The following AFF3 variants were observed in gnomAD, a reference collection of about 807,000 sequenced individuals.
AFF3 encodes the protein AF4/FMR2 family member 3.
Under a neutral mutation model 129.7 loss-of-function variants are expected in AFF3, and 32 were observed. The observed-to-expected ratio is 0.25, with a 90% CI of 0.19 to 0.33. AFF3 has a LOEUF of 0.33. Among genes scored for constraint, AFF3 ranks in the 10% least tolerant of loss-of-function variants. AFF3 has a pLI of 1.00. For synonymous variants in AFF3, 644 were observed against 635.4 expected, an observed-to-expected ratio of 1.01 and a Z score of -0.20; for missense variants, 1,373 against 1,592.0, an observed-to-expected ratio of 0.86 and a Z score of 2.34.
intron 7 of AFF3, among the ~76,000 whole-genome samples, chr2:99,883,448 T>G (rs1692878939): frequency 6.6e-6 from 1 of 152,192 alleles, no homozygotes; most frequent in Admixed American, 6.5e-5. Flanking sequence ...AATACACGCT[T>G]CATTAGTCTC....
chr2:99,608,429 C>A (rs1229616044), intron 13 of AFF3, among the ~76,000 whole-genome samples: 1 of 152,176 alleles, frequency 6.6e-6, no homozygotes, highest in Non-Finnish European at 1.5e-5. Context: ...TTTATCCATG[C>A]AATGTATTTT....
intron 9 of AFF3, among the ~76,000 whole-genome samples, chr2:99,746,480 A>T (rs1317067680): frequency 6.6e-6 from 1 of 152,190 alleles, no homozygotes; most frequent in Non-Finnish European, 1.5e-5. Flanking sequence ...AGGGATTCCC[A>T]CTCTATTAAA....
At chr2:99,553,918 C>CAAAAAAAAAAAAAA (rs61326965) in intron 24 of AFF3, among the ~76,000 whole-genome samples, 5 of 56,960 alleles carry the variant, frequency 8.8e-5, no homozygotes, top group African/African-American at 3.4e-4. Flanking sequence ...TGTCTCAAAC[C>CAAAAAAAAAAAAAA]AAAAAAAAAA....
chr2:100,107,129 T>C (rs1691338184), intron 2 of AFF3: 7 of 985,342 alleles, frequency 7.1e-6, no homozygotes, highest in African/African-American at 3.5e-5. Flanking sequence ...TCCAGTGTTA[T>C]GTTTTCATGT....
chr2:99,659,935 T>A (rs1401502637), intron 12 of AFF3, among the ~76,000 whole-genome samples: 1 of 152,182 alleles, frequency 6.6e-6, no homozygotes, highest in Admixed American at 6.5e-5. Flanking sequence ...CCTGCTCATC[T>A]GGGCTTTGGT....
At chr2:100,092,126 TC>T (rs1403506975) in intron 4 of AFF3, among the ~76,000 whole-genome samples, 1 of 152,076 alleles carries the variant, frequency 6.6e-6, no homozygotes, top group East Asian at 1.9e-4. Flanking sequence ...TTAGTAAACT[TC>T]CTAGAGACAA....
At chr2:99,562,553 T>G (rs1369655876) in intron 20 of AFF3, among the ~76,000 whole-genome samples, 1 of 152,254 alleles carries the variant, frequency 6.6e-6, no homozygotes, top group Non-Finnish European at 1.5e-5. Context: ...GTTTGTTGAG[T>G]GATAACTGTG....
chr2:99,816,351 C>T (rs1390176857), intron 8 of AFF3, among the ~76,000 whole-genome samples: 1 of 152,216 alleles, frequency 6.6e-6, no homozygotes, highest in Non-Finnish European at 1.5e-5. Flanking sequence ...AATTCTACTT[C>T]TGATGACTGC....
intron 7 of AFF3, among the ~76,000 whole-genome samples, chr2:99,963,822 CAG>C (rs1677469038): frequency 6.6e-6 from 1 of 151,856 alleles, no homozygotes; most frequent in Admixed American, 6.5e-5. Context: ...AAATAAAAGA[CAG>C]AGATTGTCAG....
Position 99,547,302 on chromosome 2 carries a change from A to G in AFF3, c.*4172T>C. ...AACATTTGCAACCTTAGAAAGGCAG[A>G]CATGTTTAATCCAAGTCCGTTTATA... On this transcript the variant is annotated 3_prime_UTR_variant, in exon 25 of 25. Coordinates refer to ENST00000672756, the MANE Select transcript of AFF3 (RefSeq NM_001386135.1). The G allele has an allele frequency of 4.6e-6, 1 of 216,626 alleles. No homozygotes were observed. The highest frequency in any genetic ancestry group is 9.3e-6 in the Non-Finnish European group (1 of 107,186). The allele number at this position is 216,626 out of a possible 1,614,324, so 13.4% of individuals were successfully genotyped here.
rs1365623301 is a variant in AFF3, at chr2:100,007,316, T to G, written c.319A>C (p.Lys107Gln). ...TCTGCAACAAAATGTTCATCGATCT[T>G]GTTCACAGGAGTCTGAGGAACCCCA... is the stretch of plus-strand genomic sequence containing the variant. ...KPGVPQTPVN[K>Q]IDEHFVADSR... The change falls in exon 6 of 25, where the codon AAG becomes CAG. Residue 107 changes from lysine to glutamine, a missense_variant. Physicochemically the swap from Lys to Gln is moderately conservative, Grantham distance 53. Transcript: ENST00000672756. 1 of 1,614,068 alleles carries G rather than the reference T, an allele frequency of 6.2e-7. No individual in the cohort carries two copies. Among genetic ancestry groups the G allele is most frequent in the East Asian group, 2.2e-5 (1 of 44,886 alleles).
intron 7 of AFF3, among the ~76,000 whole-genome samples, chr2:99,901,807 C>T (rs746301404): frequency 5.3e-5 from 8 of 151,786 alleles, no homozygotes; most frequent in African/African-American, 9.7e-5. Flanking sequence ...AAACACCAGT[C>T]TGATTATGTT....
chr2:99,874,186 A>G (rs966403087), intron 7 of AFF3, among the ~76,000 whole-genome samples: 1 of 152,148 alleles, frequency 6.6e-6, no homozygotes, highest in Non-Finnish European at 1.5e-5. Flanking sequence ...CAAAAAAAAC[A>G]AAAAACTCTA....
chr2:99,833,466 A>G (rs1688651509), intron 8 of AFF3, among the ~76,000 whole-genome samples: 1 of 152,208 alleles, frequency 6.6e-6, no homozygotes, highest in Non-Finnish European at 1.5e-5. Flanking sequence ...GATGAGAGCA[A>G]GAAAGTAATC....
chr2:99,674,276 G>A (rs2104480581), intron 11 of AFF3, among the ~76,000 whole-genome samples: 2 of 152,266 alleles, frequency 1.3e-5, no homozygotes, highest in South Asian at 4.1e-4. Flanking sequence ...AGACACATAC[G>A]CTTGGCTTCA....
chr2:99,578,821 C>A (rs969132592), intron 17 of AFF3, among the ~76,000 whole-genome samples: 1 of 152,168 alleles, frequency 6.6e-6, no homozygotes, highest in Non-Finnish European at 1.5e-5. Context: ...TGGAGGCTGG[C>A]CAGTTCAGTC....
At chr2:99,869,539 G>C (rs1691705225) in intron 7 of AFF3, among the ~76,000 whole-genome samples, 1 of 152,074 alleles carries the variant, frequency 6.6e-6, no homozygotes, top group South Asian at 2.1e-4. Flanking sequence ...ATGAAGTTTG[G>C]GGACTTCACA....
intron 4 of AFF3, among the ~76,000 whole-genome samples, chr2:100,047,351 T>C (rs1185398181): frequency 1.3e-5 from 2 of 152,256 alleles, no homozygotes; most frequent in African/African-American, 2.4e-5. Context: ...TCCTTGGCTC[T>C]GTCATAGTGG....
chr2:99,664,894 G>A (rs917217936), intron 12 of AFF3, among the ~76,000 whole-genome samples: 4 of 152,204 alleles, frequency 2.6e-5, no homozygotes, highest in African/African-American at 9.7e-5. Context: ...TGAGATTCAG[G>A]TAAAAAGATG....
Sources: gnomAD v4.1 joint callset for allele counts (sites outside exome capture counted in the v4.1 genomes callset) on GRCh38, gnomAD v4.1.1 for gene constraint, MANE v1.5 for transcripts, NCBI Gene and HGNC (gene_info 2026-07-23, HGNC 2026-07-21) for gene names.